SMCO1: variants seen among roughly 807,000 people sequenced by gnomAD.
SMCO1 encodes the protein single-pass membrane protein with coiled-coil domains 1.
Under a neutral mutation model 7.5 loss-of-function variants are expected in SMCO1, and 9 were observed. The ratio of observed to expected loss-of-function variants is 1.20; its 90% confidence interval spans 0.72 to 2.09. The LOEUF is 2.09. Among genes scored for constraint, SMCO1 ranks in the 30% most tolerant of loss-of-function variants. The probability of loss-of-function intolerance (pLI) is 0.00; values close to 1 mark genes in which losing one functional copy is unlikely to be tolerated. For missense variants in SMCO1, 219 were observed against 253.1 expected (o/e 0.87, Z 0.91); for synonymous variants, 90 against 93.8 (o/e 0.96, Z 0.23).
intron 1 of SMCO1, among the ~76,000 whole-genome samples, chr3:196,510,995 A>G (rs1560283587): frequency 1.3e-5 from 2 of 152,206 alleles, no homozygotes; most frequent in Non-Finnish European, 1.5e-5. Context: ...CACCAGCATT[A>G]TGTCTAATTA....
upstream of SMCO1, among the ~76,000 whole-genome samples, chr3:196,517,782 G>A (rs1733422040): frequency 6.6e-6 from 1 of 152,122 alleles, no homozygotes; most frequent in African/African-American, 2.4e-5. Flanking sequence ...CAGGTCTCCT[G>A]CCTCAGCTCC....
At position 196,507,674 on chromosome 3, in the gene SMCO1, C is replaced by T. The variant is rs530586358; in HGVS notation, c.*213G>A. On this transcript the variant is annotated 3_prime_UTR_variant, in exon 3 of 3. Coordinates refer to ENST00000397537, the MANE Select transcript of SMCO1 (RefSeq NM_001077657.3). ...AAATAAACATTTGAAAACAACAATACATTTGGTGATCACTTCATATCATTA... is the reference window on the plus strand; with the variant it reads ...AAATAAACATTTGAAAACAACAATATATTTGGTGATCACTTCATATCATTA... 5.9e-5 allele frequency: 23 copies of T among 389,718 alleles called. No individual in the cohort carries two copies. The highest frequency in any genetic ancestry group is 4.3e-4 in the African/African-American group (21 of 48,780). 24.1% of individuals were successfully genotyped at this position (389,718 alleles called of 1,614,324 possible). A position where few individuals can be genotyped will look rare whatever the true frequency, so the allele number is the denominator to read the frequency against.
chr3:196,511,280 C>A (rs113215059), intron 1 of SMCO1, among the ~76,000 whole-genome samples: 1,726 of 114,074 alleles, frequency 0.015, 161 homozygotes, highest in African/African-American at 0.11. Context: ...CTAGATTGTC[C>A]TTATGAGGGA....
Position 196,508,830 on chromosome 3 carries a change from G to A in SMCO1, c.201-499C>T, listed in dbSNP as rs564945879. On this transcript the variant is annotated intron_variant, in intron 2 of 2. Transcript: ENST00000397537. Reference sequence around the variant, plus strand: ...CGGGCGCCTGTAATCCCAGCTACTCGGGAGGCTGAGGCAGGAGAATGGCGT... The same window carrying A: ...CGGGCGCCTGTAATCCCAGCTACTCAGGAGGCTGAGGCAGGAGAATGGCGT... 2.1e-4 allele frequency among the ~76,000 whole-genome samples: 31 copies of A among 148,988 alleles called. No homozygotes were observed. The East Asian group carries it at 4.1e-3, about 20-fold the overall frequency.
upstream of SMCO1, among the ~76,000 whole-genome samples, chr3:196,517,104 C>CAAAAAAAAA (rs56104987): frequency 5.6e-4 from 20 of 35,736 alleles, 6 homozygotes; most frequent in African/African-American, 2.9e-3. Context: ...GACTCCATCG[C>CAAAAAAAAA]AAAAAAAAAA....
At chr3:196,519,781 G>A (rs183143427), upstream of SMCO1, among the ~76,000 whole-genome samples, 28 of 152,272 alleles carry the variant, frequency 1.8e-4, no homozygotes, top group Admixed American at 1.6e-3. Context: ...AATAAAAGGG[G>A]AACCACATGC....
At chr3:196,515,983 GATAGGATATATATATATATAT>G (rs1191065049), upstream of SMCO1, among the ~76,000 whole-genome samples, 597 of 81,864 alleles carry the variant, frequency 7.3e-3, 28 homozygotes, top group South Asian at 0.14. Context: ...CGGGCAAGAG[GATAGGATATATATATATATAT>G]ATATATATAT....
At chr3:196,510,040 T>A (rs1733177988) in intron 1 of SMCO1, among the ~76,000 whole-genome samples, 1 of 152,222 alleles carries the variant, frequency 6.6e-6, no homozygotes, top group South Asian at 2.1e-4. Flanking sequence ...CGGAGTGCAG[T>A]GGCACAATCA....
rs111748876 is a variant in SMCO1, at chr3:196,511,893, C to T, written c.51-2224G>A. 8.6e-5 allele frequency among the ~76,000 whole-genome samples: 9 copies of T among 105,072 alleles called. 1 individual carries two copies. Among genetic ancestry groups the T allele is most frequent in the East Asian group, 2.9e-4 (1 of 3,424 alleles). 68.9% of individuals were successfully genotyped at this position (105,072 alleles called of 152,430 possible). A position where few individuals can be genotyped will look rare whatever the true frequency, so the allele number is the denominator to read the frequency against. On this transcript the variant is annotated intron_variant, in intron 1 of 2. Coordinates refer to ENST00000397537, the MANE Select transcript of SMCO1 (RefSeq NM_001077657.3). Reference sequence around the variant, plus strand: ...TGTCTTTATGAGGGAAACTTGCCTGCGCCAAGTAGATTGTTGTTATGAGGG... The same window carrying T: ...TGTCTTTATGAGGGAAACTTGCCTGTGCCAAGTAGATTGTTGTTATGAGGG...
At chr3:196,516,016 TATATATA>T (rs1733378749), upstream of SMCO1, among the ~76,000 whole-genome samples, 1 of 98,538 alleles carries the variant, frequency 1.0e-5, no homozygotes, top group African/African-American at 7.5e-5. Context: ...TATATATATA[TATATATA>T]TATATATAAT....
chr3:196,515,493 C>G (rs1350305239), upstream of SMCO1: 4 of 409,432 alleles, frequency 9.8e-6, no homozygotes, highest in African/African-American at 8.1e-5. Context: ...CATACAGCAA[C>G]AACCATGTAT....
upstream of SMCO1, among the ~76,000 whole-genome samples, chr3:196,519,293 C>T (rs540239878): frequency 3.3e-5 from 5 of 152,328 alleles, no homozygotes; most frequent in East Asian, 1.9e-4. Flanking sequence ...TGAGGTCACT[C>T]GCTACTAGTC....
upstream of SMCO1, among the ~76,000 whole-genome samples, chr3:196,518,534 C>T (rs1733433706): frequency 6.6e-6 from 1 of 152,130 alleles, no homozygotes; most frequent in South Asian, 2.1e-4. Flanking sequence ...AGGCTGGTCT[C>T]TAACTCCTGA....
intron 1 of SMCO1, 133 bp downstream of exon 1, chr3:196,515,027 A>G: frequency 9.0e-7 from 1 of 1,114,858 alleles, no homozygotes; most frequent in Non-Finnish European, 1.4e-6. Flanking sequence ...GGTGTGAGCC[A>G]CCGCACCGGC....
Position 196,509,586 on chromosome 3 carries a change from T to G in SMCO1, c.134A>C (p.His45Pro), listed in dbSNP as rs768952941. The G allele has an allele frequency of 3.1e-6, 5 of 1,614,078 alleles. No homozygotes were observed. In the South Asian group the frequency reaches 5.5e-5, roughly 18 times the overall value. Residue 45 changes from histidine to proline, a missense_variant, in exon 2 of 3, where the codon CAT becomes CCT. Physicochemically the swap from His to Pro is moderately conservative, Grantham distance 77. Coordinates refer to ENST00000397537, the MANE Select transcript of SMCO1 (RefSeq NM_001077657.3). ...TTGGCTTGCCAAAGCCTTACTATGA[T>G]GTTCGAATTTCTGCATCAGGTTATC... is the stretch of plus-strand genomic sequence containing the variant. ...TKDNLMQKFEHHSKALASQAA... is the reference protein window; with the variant it reads ...TKDNLMQKFEPHSKALASQAA...
intron 1 of SMCO1, among the ~76,000 whole-genome samples, chr3:196,512,974 T>G (rs1224157532): frequency 6.6e-6 from 1 of 152,276 alleles, no homozygotes; most frequent in Admixed American, 6.5e-5. Context: ...AAATGTTCAT[T>G]TTGTAGGAAT....
At chr3:196,512,041 G>A (rs1488546015) in intron 1 of SMCO1, among the ~76,000 whole-genome samples, 1 of 146,012 alleles carries the variant, frequency 6.8e-6, no homozygotes, top group Non-Finnish European at 1.5e-5. Flanking sequence ...AACTTGCCTG[G>A]GCTGCCTAGA....
upstream of SMCO1, among the ~76,000 whole-genome samples, chr3:196,517,585 C>T (rs1304758668): frequency 6.6e-6 from 1 of 151,386 alleles, no homozygotes; most frequent in African/African-American, 2.4e-5. Flanking sequence ...ACAGCACCCC[C>T]CCATACCTTT....
upstream of SMCO1, among the ~76,000 whole-genome samples, chr3:196,515,988 G>GATAT (rs200613159): frequency 0.072 from 1,639 of 22,612 alleles, 22 homozygotes; most frequent in Middle Eastern, 0.15. Flanking sequence ...AAGAGGATAG[G>GATAT]ATATATATAT....
Sources: gnomAD v4.1 joint callset for allele counts (sites outside exome capture counted in the v4.1 genomes callset) on GRCh38, gnomAD v4.1.1 for gene constraint, MANE v1.5 for transcripts, NCBI Gene and HGNC (gene_info 2026-07-23, HGNC 2026-07-21) for gene names.